The following NCKIPSD variants were observed in gnomAD, a reference collection of about 807,000 sequenced individuals.
NCKIPSD encodes the protein NCK-interacting protein with SH3 domain.
Under a neutral mutation model 73.4 loss-of-function variants are expected in NCKIPSD, and 48 were observed. That is an observed-to-expected ratio of 0.65 (90% CI 0.52 to 0.83). The LOEUF (loss-of-function observed/expected upper bound fraction) is 0.83, where lower values mean the gene tolerates loss of function less well. NCKIPSD is among the 40% of genes least tolerant of loss of function. NCKIPSD has a pLI of 0.00. For synonymous variants in NCKIPSD, 422 were observed against 403.6 expected (o/e 1.05, Z -0.54); for missense variants, 884 against 970.2 (o/e 0.91, Z 1.18).
chr3:48,676,854 T>A (rs2077263068), intron 12 of NCKIPSD, among the ~76,000 whole-genome samples: 1 of 150,726 alleles, frequency 6.6e-6, no homozygotes, highest in Non-Finnish European at 1.5e-5. Flanking sequence ...CACAGCAACC[T>A]CCACCTCCCG....
chr3:48,681,210 T>C lies in NCKIPSD; in HGVS notation c.1092+77A>G, dbSNP rs9822485. On this transcript the variant is annotated intron_variant, in intron 5 of 12. Coordinates refer to ENST00000294129, the MANE Select transcript of NCKIPSD (RefSeq NM_016453.4). The stretch of plus-strand genomic sequence containing the variant: ...GCCAGAGCTTGAGAAATACCTGTAA[T>C]GTACAGGCTGGACAAGTGTGTGACG... The C allele has an allele frequency of 0.012, 17,414 of 1,492,748 alleles. 786 individuals carry two copies. In the African/African-American group the frequency reaches 0.13, roughly 12 times the overall value. The allele number at this position is 1,492,748 out of a possible 1,614,324, so 92.5% of individuals were successfully genotyped here.
chr3:48,680,333 A>C, intron 5 of NCKIPSD, 104 bp from the exon 6 acceptor site: 1 of 1,295,108 alleles, frequency 7.7e-7, no homozygotes, highest in Non-Finnish European at 1.0e-6. Flanking sequence ...TTACTCCATG[A>C]ACTCAAGTCC....
intron 12 of NCKIPSD, 150 bp downstream of exon 12, chr3:48,678,414 T>C: frequency 2.0e-6 from 2 of 1,001,636 alleles, no homozygotes; most frequent in African/African-American, 1.6e-5. Flanking sequence ...GCTGGCTCCT[T>C]TGGGTCTTGG....
chr3:48,678,634 TAGA>T lies in NCKIPSD; in HGVS notation c.1892_1894del (p.Phe631del). On this transcript the variant is annotated inframe_deletion, in exon 12 of 13. Transcript: ENST00000294129. Reference sequence around the variant, plus strand: ...AATGAGAGCCATCATGTCTGTGTGGTAGAAGATGGCAGCTGTGGCCGGGCTGCC... The same window carrying T: ...AATGAGAGCCATCATGTCTGTGTGGTAGATGGCAGCTGTGGCCGGGCTGCC... The T allele has an allele frequency of 6.2e-7, 1 of 1,614,186 alleles. No homozygotes were observed. The highest frequency in any genetic ancestry group is 8.5e-7 in the Non-Finnish European group (1 of 1,180,022).
At chr3:48,684,097 G>T (rs140425279) in intron 1 of NCKIPSD, among the ~76,000 whole-genome samples, 9 of 151,934 alleles carry the variant, frequency 5.9e-5, no homozygotes, top group Non-Finnish European at 2.9e-5. Context: ...GGGAAACAAC[G>T]CAGAAAGAAA....
intron 12 of NCKIPSD, 102 bp from the exon 13 acceptor site, chr3:48,674,849 C>G: frequency 8.3e-7 from 1 of 1,208,074 alleles, no homozygotes; most frequent in South Asian, 1.4e-5. Context: ...GGGCTGTGGA[C>G]CTGAACATCA....
At chr3:48,680,836 T>C (rs2077339263) in intron 5 of NCKIPSD, among the ~76,000 whole-genome samples, 1 of 152,112 alleles carries the variant, frequency 6.6e-6, no homozygotes, top group Admixed American at 6.6e-5. Context: ...CACCTAGGAC[T>C]CCATCCCAGC....
rs2077378408 is a variant in NCKIPSD, at chr3:48,682,886, C to T, written c.281+17G>A. 6 of 1,538,974 alleles carry T rather than the reference C, an allele frequency of 3.9e-6. No homozygotes were observed. The highest frequency in any genetic ancestry group is 2.0e-5 in the Admixed American group (1 of 50,768). ...ATGCTCACCGGGAGGTCCCACTTCACTCCCCTCAACACTCACTGGAGGACT... is the reference window on the plus strand; with the variant it reads ...ATGCTCACCGGGAGGTCCCACTTCATTCCCCTCAACACTCACTGGAGGACT... On this transcript the variant is annotated intron_variant, in intron 2 of 12. Coordinates refer to ENST00000294129, the MANE Select transcript of NCKIPSD (RefSeq NM_016453.4).
At chr3:48,683,745 T>A (rs183286576) in intron 1 of NCKIPSD, among the ~76,000 whole-genome samples, 1 of 151,740 alleles carries the variant, frequency 6.6e-6, no homozygotes, top group Admixed American at 6.6e-5. Context: ...ACATGGGGAG[T>A]GTAGGGTAGC....
chr3:48,675,547 C>A (rs866845071), intron 12 of NCKIPSD, among the ~76,000 whole-genome samples: 79 of 91,262 alleles, frequency 8.7e-4, no homozygotes, highest in Non-Finnish European at 1.2e-3. Flanking sequence ...ATATATATAT[C>A]ATTTTTTTTT....
intron 8 of NCKIPSD, 39 bp from the exon 9 acceptor site, chr3:48,679,496 T>G: frequency 6.2e-7 from 1 of 1,606,382 alleles, no homozygotes; most frequent in Non-Finnish European, 8.5e-7. Context: ...TCCCCAAAGA[T>G]GGCAGGAAAC....
At position 48,681,390 on chromosome 3, in the gene NCKIPSD, A is replaced by T. The variant is rs771671617; in HGVS notation, c.989T>A (p.Leu330Ter). The change falls in exon 5 of 13, where the codon TTA (leucine) becomes TAA (stop). Residue 330 changes from leucine (L) to a stop codon, truncating the protein, a stop_gained. Coordinates refer to ENST00000294129, the MANE Select transcript of NCKIPSD (RefSeq NM_016453.4). LOFTEE classifies it high-confidence loss of function. ...TATGATGCCGATGGCCACCCGGCATAATTCGTGGCTCAGGCCAGTGTTTCT... is the reference window on the plus strand; with the variant it reads ...TATGATGCCGATGGCCACCCGGCATTATTCGTGGCTCAGGCCAGTGTTTCT... Reference protein sequence around the residue: ...VRRNTGLSHELCRVAIGIIVG... With the variant: ...VRRNTGLSHE 6.2e-7 allele frequency: 1 copy of T among 1,612,420 alleles called. No individual in the cohort carries two copies. The highest frequency in any genetic ancestry group is 1.7e-5 in the Admixed American group (1 of 59,954).
chr3:48,674,844 G>T, intron 12 of NCKIPSD, 97 bp from the exon 13 acceptor site: 2 of 1,274,002 alleles, frequency 1.6e-6, no homozygotes, highest in Non-Finnish European at 2.2e-6. Context: ...CCCCAGGGCT[G>T]TGGACCTGAA....
At chr3:48,681,183 G>A in intron 5 of NCKIPSD, 104 bp downstream of exon 5, 5 of 1,469,914 alleles carry the variant, frequency 3.4e-6, no homozygotes, top group East Asian at 2.3e-5. Context: ...TAAGAGCTCA[G>A]AGCCAGAGCT....
At chr3:48,676,745 G>A (rs559952995) in intron 12 of NCKIPSD, among the ~76,000 whole-genome samples, 7 of 151,784 alleles carry the variant, frequency 4.6e-5, no homozygotes, top group South Asian at 4.2e-4. Context: ...CTCCCACTTC[G>A]GCCTCCCAAA....
At chr3:48,682,187 A>G in intron 3 of NCKIPSD, 31 bp from the exon 4 acceptor site, 1 of 1,586,748 alleles carries the variant, frequency 6.3e-7, no homozygotes, top group Non-Finnish European at 8.5e-7. Flanking sequence ...CTTGGAGGAC[A>G]GACTGACATC....
At position 48,678,909 on chromosome 3, in the gene NCKIPSD, G is replaced by A. The variant is rs1559491914; in HGVS notation, c.1760C>T (p.Ser587Phe). ...GTTCAGGAGCAACAACAGCTTCTCG[G>A]AGAAGATCTTGACATTGGCGTGTTT... The part of the protein sequence containing the change: ...LSKHANVKIF[S>F]EKLLLLLNRG... Residue 587 changes from serine to phenylalanine, a missense_variant, in exon 11 of 13, where the codon TCC becomes TTC. By Grantham distance (155) the Ser-to-Phe change is radical (BLOSUM62 -2). Transcript: ENST00000294129. 6.2e-7 allele frequency: 1 copy of A among 1,614,010 alleles called. No homozygotes were observed. Among genetic ancestry groups the A allele is most frequent in the Non-Finnish European group, 8.5e-7 (1 of 1,180,022 alleles).
intron 8 of NCKIPSD, 54 bp downstream of exon 8, chr3:48,679,521 G>A: frequency 4.4e-6 from 7 of 1,608,312 alleles, no homozygotes; most frequent in Non-Finnish European, 6.0e-6. Context: ...GCAGATGGCA[G>A]GAACACCCTC....
intron 1 of NCKIPSD, among the ~76,000 whole-genome samples, chr3:48,684,038 A>C (rs2077397856): frequency 6.6e-6 from 1 of 151,890 alleles, no homozygotes; most frequent in African/African-American, 2.4e-5. Context: ...AGAGAAAGAA[A>C]GGAATGGGGA....
Sources: gnomAD v4.1 joint callset for allele counts (sites outside exome capture counted in the v4.1 genomes callset) on GRCh38, gnomAD v4.1.1 for gene constraint, MANE v1.5 for transcripts, NCBI Gene and HGNC (gene_info 2026-07-23, HGNC 2026-07-21) for gene names.